The following DPP6 variants were observed in gnomAD, a reference collection of about 807,000 sequenced individuals.
The protein encoded by DPP6 is A-type potassium channel modulatory protein DPP6.
DPP6 carries 69 observed loss-of-function variants against 122.6 expected under a neutral mutation model. The ratio of observed to expected loss-of-function variants is 0.56; its 90% CI spans 0.46 to 0.69. The LOEUF is 0.69. Ranked by LOEUF, DPP6 falls within the 30% of genes least tolerant of loss-of-function variation. The pLI is 0.00. For missense variants in DPP6, 928 were observed against 1,116.9 expected (o/e 0.83, Z 2.41); for synonymous variants, 418 against 433.1 (o/e 0.97, Z 0.43).
intron 5 of DPP6, among the ~76,000 whole-genome samples, chr7:154,634,410 ATTG>A (rs1383331749): frequency 1.3e-5 from 2 of 151,710 alleles, no homozygotes; most frequent in Non-Finnish European, 2.9e-5. Context: ...CCAGTCTATC[ATTG>A]TTGGATATTT....
At chr7:154,874,960 C>T (rs1294068622) in intron 19 of DPP6, among the ~76,000 whole-genome samples, 2 of 152,150 alleles carry the variant, frequency 1.3e-5, no homozygotes, top group East Asian at 3.9e-4. Context: ...ATTAGCCAGG[C>T]ATGGTGGCAC....
intron 16 of DPP6, chr7:154,838,374 C>T (rs115268622): frequency 6.6e-6 from 1 of 152,204 alleles, no homozygotes; most frequent in Non-Finnish European, 1.5e-5. Flanking sequence ...TCAAGAGACT[C>T]TGGGGACTCG....
intron 6 of DPP6, among the ~76,000 whole-genome samples, chr7:154,651,307 G>A (rs1836860080): frequency 6.6e-6 from 1 of 152,162 alleles, no homozygotes; most frequent in Non-Finnish European, 1.5e-5. Flanking sequence ...AATTACCTTT[G>A]TGCTCCTATT....
At chr7:153,905,331 G>C (rs1297076312) in intron 1 of DPP6, among the ~76,000 whole-genome samples, 3 of 152,158 alleles carry the variant, frequency 2.0e-5, no homozygotes, top group Non-Finnish European at 2.9e-5. Context: ...TGAGGGGCCA[G>C]AAACAGAAGA....
chr7:154,336,893 C>T (rs555768706), intron 1 of DPP6, among the ~76,000 whole-genome samples: 14 of 152,238 alleles, frequency 9.2e-5, no homozygotes, highest in Admixed American at 5.2e-4. Context: ...TGAGGGGCAA[C>T]GAAGAAGGGG....
the DPP6 span, among the ~76,000 whole-genome samples, chr7:153,798,024 G>A: frequency 2.1e-4 from 32 of 151,846 alleles, no homozygotes; most frequent in Non-Finnish European, 2.8e-4. Flanking sequence ...TTGTATTTTT[G>A]GTAGAGACGG....
intron 7 of DPP6, among the ~76,000 whole-genome samples, chr7:154,722,519 GAAGTAAGCAGA>G (rs1292831445): frequency 6.6e-6 from 1 of 152,242 alleles, no homozygotes; most frequent in African/African-American, 2.4e-5. Context: ...ACTTTATTCT[GAAGTAAGCAGA>G]AAGTTATTTC....
chr7:153,886,915 C>T (rs1798942930), upstream of DPP6, among the ~76,000 whole-genome samples: 2 of 152,156 alleles, frequency 1.3e-5, no homozygotes, highest in Admixed American at 1.3e-4. Context: ...CGGCTCCATC[C>T]GCGGCAATCA....
intron 3 of DPP6, among the ~76,000 whole-genome samples, chr7:154,498,886 A>G (rs1242565656): frequency 6.6e-6 from 1 of 152,154 alleles, no homozygotes; most frequent in Non-Finnish European, 1.5e-5. Flanking sequence ...AGAGGGCAAA[A>G]TCAGCCCTTG....
intron 4 of DPP6, among the ~76,000 whole-genome samples, chr7:154,561,145 A>G (rs1830399098): frequency 6.6e-6 from 1 of 152,258 alleles, no homozygotes; most frequent in African/African-American, 2.4e-5. Context: ...AGACAAATCC[A>G]TAATTTAAGT....
chr7:154,822,897 CTTTG>C (rs1439051216), intron 16 of DPP6, among the ~76,000 whole-genome samples: 3 of 152,168 alleles, frequency 2.0e-5, no homozygotes, highest in Admixed American at 6.5e-5. Context: ...AGTATAGGAA[CTTTG>C]TTTGACCCAC....
intron 8 of DPP6, among the ~76,000 whole-genome samples, chr7:154,766,800 C>T (rs993541645): frequency 3.3e-5 from 5 of 152,190 alleles, no homozygotes; most frequent in Non-Finnish European, 5.9e-5. Context: ...GCATGACCCA[C>T]TTTGGACTGT....
At chr7:154,732,255 C>T (rs1250894765) in intron 8 of DPP6, among the ~76,000 whole-genome samples, 1 of 151,902 alleles carries the variant, frequency 6.6e-6, no homozygotes, top group Non-Finnish European at 1.5e-5. Flanking sequence ...ACCGTGTTAG[C>T]CAGGATGGTC....
At chr7:154,792,957 A>AAGTT (rs747285676) in intron 10 of DPP6, among the ~76,000 whole-genome samples, 16 of 152,332 alleles carry the variant, frequency 1.1e-4, no homozygotes, top group Admixed American at 3.3e-4. Context: ...GATTTAGGTC[A>AAGTT]AGTTATTAAG....
At chr7:153,749,665 C>T in the DPP6 span, among the ~76,000 whole-genome samples, 3 of 152,122 alleles carry the variant, frequency 2.0e-5, no homozygotes, top group African/African-American at 7.2e-5. This position sits in a 1 kb window ranked among gnomAD's most constrained non-coding sequence, Gnocchi z 4.1. Context: ...AGATCGCCAG[C>T]GAGGTTCCGG....
intron 1 of DPP6, among the ~76,000 whole-genome samples, chr7:154,419,410 T>G (rs1342745890): frequency 2.0e-5 from 3 of 152,218 alleles, no homozygotes; most frequent in Non-Finnish European, 4.4e-5. Flanking sequence ...CACAGCTTAG[T>G]TCTGGATATG....
intron 1 of DPP6, among the ~76,000 whole-genome samples, chr7:154,293,850 C>T (rs966906475): frequency 6.6e-6 from 1 of 152,168 alleles, no homozygotes; most frequent in African/African-American, 2.4e-5. Context: ...AGGTGACACT[C>T]AGGTTTTCCA....
Position 154,806,958 on chromosome 7 carries a change from C to T in DPP6, c.1548-36C>T, listed in dbSNP as rs374890342. 119 of 1,608,088 alleles carry T rather than the reference C, an allele frequency of 7.4e-5. No homozygotes were observed. The African/African-American group carries it at 9.3e-4, about 13-fold the overall frequency. ...CCCAGCGTGGAGGGCAGCTCCTCTC[C>T]GCCCACATTCACACCTGCGTCCTTT... On this transcript the variant is annotated intron_variant, in intron 15 of 25. Transcript: ENST00000377770.
intron 1 of DPP6, among the ~76,000 whole-genome samples, chr7:154,335,265 C>T (rs1809304231): frequency 6.6e-6 from 1 of 152,212 alleles, no homozygotes; most frequent in South Asian, 2.1e-4. Flanking sequence ...ATGCAGGATG[C>T]TTCTCACATC....
Sources: gnomAD v4.1 joint callset for allele counts (sites outside exome capture counted in the v4.1 genomes callset) on GRCh38, gnomAD v4.1.1 for gene constraint, Gnocchi (gnomAD v3.1) non-coding constraint, MANE v1.5 for transcripts, NCBI Gene and HGNC (gene_info 2026-07-23, HGNC 2026-07-21) for gene names.